The following JARID2 variants were observed in gnomAD, a reference collection of about 807,000 sequenced individuals.
The protein encoded by JARID2 is protein Jumonji.
Under a neutral mutation model 125.6 loss-of-function variants are expected in JARID2, and 21 were observed. The observed-to-expected ratio is 0.17, with a 90% confidence interval of 0.12 to 0.24. JARID2 has a LOEUF of 0.24. Ranked by LOEUF, JARID2 falls within the 10% of genes least tolerant of loss-of-function variation. The probability of loss-of-function intolerance (pLI) is 1.00; values close to 1 mark genes in which losing one functional copy is unlikely to be tolerated. For synonymous variants in JARID2, 736 were observed against 661.6 expected, an observed-to-expected ratio of 1.11 and a Z score of -1.73; for missense variants, 1,303 against 1,639.6, an observed-to-expected ratio of 0.79 and a Z score of 3.55.
rs1239542524 is a variant in JARID2 at position 15,520,852 on chromosome 6, A to T, written c.*601A>T. On this transcript the variant is annotated 3_prime_UTR_variant, in exon 18 of 18. Transcript: ENST00000341776. ...GACGTTGTTTCCTAACCATAGGTGG[A>T]ACGAGGAGACGGGAGCGAGTGGGCT... is the stretch of plus-strand genomic sequence containing the variant. 1 of 455,726 alleles carries T rather than the reference A, an allele frequency of 2.2e-6. No homozygotes were observed. The highest frequency in any genetic ancestry group is 4.4e-6 in the Non-Finnish European group (1 of 226,730). 28.2% of individuals were successfully genotyped at this position (455,726 alleles called of 1,614,324 possible).
chr6:15,494,521 G>C (rs1486058281), intron 6 of JARID2, among the ~76,000 whole-genome samples: 1 of 144,948 alleles, frequency 6.9e-6, no homozygotes, highest in African/African-American at 2.6e-5. Flanking sequence ...CCGTTCTTCT[G>C]CCTCAGCCTC....
chr6:15,322,038 G>C (rs1240036670), intron 1 of JARID2, among the ~76,000 whole-genome samples: 1 of 152,042 alleles, frequency 6.6e-6, no homozygotes, highest in African/African-American at 2.4e-5. Context: ...TTGTTCGCCT[G>C]CCTCCCAAAG....
At chr6:15,373,592 C>G (rs978076867) in intron 1 of JARID2, among the ~76,000 whole-genome samples, 1 of 152,188 alleles carries the variant, frequency 6.6e-6, no homozygotes, top group African/African-American at 2.4e-5. Flanking sequence ...GTGGCCAATG[C>G]GGATCCAATT....
chr6:15,338,845 A>T (rs1762969586), intron 1 of JARID2, among the ~76,000 whole-genome samples: 1 of 152,206 alleles, frequency 6.6e-6, no homozygotes, highest in South Asian at 2.1e-4. Flanking sequence ...CTTAAAGCAA[A>T]TTAAGGAGGA....
chr6:15,329,912 T>C (rs1027648464), intron 1 of JARID2, among the ~76,000 whole-genome samples: 1 of 152,248 alleles, frequency 6.6e-6, no homozygotes, highest in Non-Finnish European at 1.5e-5. Flanking sequence ...TATATTTCTT[T>C]ACATACAGCT....
At chr6:15,326,310 A>G (rs776170980) in intron 1 of JARID2, among the ~76,000 whole-genome samples, 2 of 152,040 alleles carry the variant, frequency 1.3e-5, no homozygotes, top group African/African-American at 4.8e-5. Flanking sequence ...GGCTTATGCA[A>G]TACTCTCGCC....
chr6:15,370,621 G>A (rs1451299030), intron 1 of JARID2, among the ~76,000 whole-genome samples: 1 of 152,036 alleles, frequency 6.6e-6, no homozygotes, highest in African/African-American at 2.4e-5. Flanking sequence ...GATTACAGGT[G>A]TGAGCCACCG....
At position 15,520,402 on chromosome 6, in the gene JARID2, T is replaced by C; in HGVS notation, c.*151T>C. On this transcript the variant is annotated 3_prime_UTR_variant, in exon 18 of 18. Transcript: ENST00000341776. ...TAGAGAACTAATTTTGTTTTAGCAT[T>C]AAACTGTTGAACTTTTTTTTGTACT... is the stretch of plus-strand genomic sequence containing the variant. The C allele has an allele frequency of 4.8e-6, 3 of 623,752 alleles. No homozygotes were observed. The highest frequency in any genetic ancestry group is 7.7e-6 in the Non-Finnish European group (3 of 390,702). The allele number at this position is 623,752 out of a possible 1,614,324, so 38.6% of individuals were successfully genotyped here. A position where few individuals can be genotyped will look rare whatever the true frequency, so the allele number is the denominator to read the frequency against.
intron 2 of JARID2, among the ~76,000 whole-genome samples, chr6:15,388,874 A>G (rs1251988203): frequency 6.6e-6 from 1 of 152,046 alleles, no homozygotes; most frequent in Non-Finnish European, 1.5e-5. Context: ...GTGTATACAC[A>G]GAAAGGTTGT....
chr6:15,268,404 C>T (rs935666680), intron 1 of JARID2, among the ~76,000 whole-genome samples: 2 of 152,202 alleles, frequency 1.3e-5, no homozygotes, highest in Non-Finnish European at 2.9e-5. Context: ...TTGCTACCTC[C>T]CTGTTAAGCT....
At chr6:15,459,127 G>A (rs2127656730) in intron 4 of JARID2, among the ~76,000 whole-genome samples, 2 of 152,316 alleles carry the variant, frequency 1.3e-5, no homozygotes, top group South Asian at 4.1e-4. Context: ...ATATTCTAGA[G>A]TCTATAGCAC....
intron 1 of JARID2, among the ~76,000 whole-genome samples, chr6:15,260,110 TC>T (rs1759814691): frequency 6.6e-6 from 1 of 152,206 alleles, no homozygotes; most frequent in Admixed American, 6.5e-5. Flanking sequence ...ATGAAAGTAA[TC>T]CCCAGTGATG....
chr6:15,503,168 G>A (rs1770824802), intron 8 of JARID2, among the ~76,000 whole-genome samples: 1 of 152,232 alleles, frequency 6.6e-6, no homozygotes, highest in African/African-American at 2.4e-5. Context: ...CCACGGGTAG[G>A]GACCGTGAGC....
intron 3 of JARID2, among the ~76,000 whole-genome samples, chr6:15,428,380 A>G (rs1245471497): frequency 6.6e-6 from 1 of 152,068 alleles, no homozygotes; most frequent in Non-Finnish European, 1.5e-5. Context: ...TTAACTCATC[A>G]TTTAGCATTA....
intron 2 of JARID2, among the ~76,000 whole-genome samples, chr6:15,386,004 A>G (rs920376559): frequency 1.1e-4 from 17 of 152,322 alleles, no homozygotes; most frequent in African/African-American, 4.1e-4. Context: ...CTGTTTAGGT[A>G]CAAGGTATGT....
At chr6:15,291,436 G>C (rs1761210689) in intron 1 of JARID2, among the ~76,000 whole-genome samples, 1 of 152,192 alleles carries the variant, frequency 6.6e-6, no homozygotes, top group Non-Finnish European at 1.5e-5. Flanking sequence ...GGCACAATCT[G>C]TTTTCCCCTC....
At chr6:15,393,053 C>G (rs1284065181) in intron 2 of JARID2, among the ~76,000 whole-genome samples, 1 of 152,098 alleles carries the variant, frequency 6.6e-6, no homozygotes, top group African/African-American at 2.4e-5. Flanking sequence ...TAGAGGCTAT[C>G]AGTGCAGCCA....
Position 15,361,913 on chromosome 6 carries a change from T to C in JARID2, c.46-12204T>C, listed in dbSNP as rs10456772. 9.0e-3 allele frequency among the ~76,000 whole-genome samples: 1,191 copies of C among 132,808 alleles called. 6 individuals are homozygous for C. Among genetic ancestry groups the C allele is most frequent in the Admixed American group, 0.015 (201 of 13,398 alleles). The allele number at this position is 132,808 out of a possible 152,430, so 87.1% of individuals were successfully genotyped here. ...CCCCCTTTTTTTTTTTTTTTTTTTT[T>C]CCCTGAGATGGAGTCTTGATCTCCC... On this transcript the variant is annotated intron_variant, in intron 1 of 17. Transcript: ENST00000341776.
At chr6:15,280,437 C>A (rs998327680) in intron 1 of JARID2, among the ~76,000 whole-genome samples, 8 of 152,080 alleles carry the variant, frequency 5.3e-5, no homozygotes, top group South Asian at 2.1e-4. Flanking sequence ...TAAAAAAGAT[C>A]ATAAAGATTC....
Sources: gnomAD v4.1 joint callset for allele counts (sites outside exome capture counted in the v4.1 genomes callset) on GRCh38, gnomAD v4.1.1 for gene constraint, MANE v1.5 for transcripts, NCBI Gene and HGNC (gene_info 2026-07-23, HGNC 2026-07-21) for gene names.